PITPNC1: variants seen among roughly 807,000 people sequenced by gnomAD.
The protein encoded by PITPNC1 is cytoplasmic phosphatidylinositol transfer protein 1.
PITPNC1 carries 18 observed loss-of-function variants against 44.7 expected under a neutral mutation model. The ratio of observed to expected loss-of-function variants is 0.40; its 90% CI spans 0.28 to 0.60. The LOEUF is 0.60. Ranked by LOEUF, PITPNC1 falls within the 20% of genes least tolerant of loss-of-function variation. The pLI is 0.39. For missense variants in PITPNC1, 290 were observed against 418.4 expected, an observed-to-expected ratio of 0.69 and a Z score of 2.68; for synonymous variants, 141 against 149.6, an observed-to-expected ratio of 0.94 and a Z score of 0.42.
chr17:67,623,673 C>CT (rs2041861827), intron 5 of PITPNC1, among the ~76,000 whole-genome samples: 3 of 152,206 alleles, frequency 2.0e-5, no homozygotes, highest in Non-Finnish European at 4.4e-5. Flanking sequence ...CATGAGCCAC[C>CT]TTGCCCACCT....
intron 8 of PITPNC1, among the ~76,000 whole-genome samples, chr17:67,681,813 AATG>A (rs2042714467): frequency 6.6e-6 from 1 of 152,076 alleles, no homozygotes; most frequent in Non-Finnish European, 1.5e-5. Flanking sequence ...TTCAATATAA[AATG>A]ATAATCCAAT....
intron 1 of PITPNC1, among the ~76,000 whole-genome samples, chr17:67,480,215 G>A (rs936860385): frequency 6.6e-6 from 1 of 152,108 alleles, no homozygotes; most frequent in East Asian, 1.9e-4. Context: ...GTTGTCTAAC[G>A]ATGAAACATG....
chr17:67,694,301 T>C lies in PITPNC1; in HGVS notation c.*1413T>C, dbSNP rs184391201. 1 of 152,360 alleles carries C rather than the reference T, an allele frequency of 6.6e-6. No homozygotes were observed. Among genetic ancestry groups the C allele is most frequent in the East Asian group, 1.9e-4 (1 of 5,180 alleles). The allele number at this position is 152,360 out of a possible 1,614,324, so 9.4% of individuals were successfully genotyped here. A position where few individuals can be genotyped will look rare whatever the true frequency, so the allele number is the denominator to read the frequency against. ...CCAAGAGAGGAAGAGAAGAAGTAAT[T>C]GGGCAACTTGGAGGCCCACGCCCCA... On this transcript the variant is annotated 3_prime_UTR_variant, in exon 9 of 9. Transcript: ENST00000581322.
chr17:67,420,190 G>T (rs1210801396), intron 1 of PITPNC1, among the ~76,000 whole-genome samples: 1 of 152,102 alleles, frequency 6.6e-6, no homozygotes, highest in African/African-American at 2.4e-5. Flanking sequence ...GACAAGTTTT[G>T]TATTAATTAT....
chr17:67,538,664 A>C (rs1416991811), intron 2 of PITPNC1, among the ~76,000 whole-genome samples: 2 of 152,228 alleles, frequency 1.3e-5, no homozygotes, highest in African/African-American at 4.8e-5. Flanking sequence ...TGAAAAAATC[A>C]GAAGAAAATA....
intron 1 of PITPNC1, among the ~76,000 whole-genome samples, chr17:67,426,459 G>C (rs1227224131): frequency 2.6e-5 from 4 of 152,116 alleles, no homozygotes. Flanking sequence ...TCCTTTGCAG[G>C]AACATGGATG....
At position 67,693,247 on chromosome 17, in the gene PITPNC1, G is replaced by A. The variant is rs1190435129; in HGVS notation, c.*359G>A. The A allele has an allele frequency of 5.5e-6, 1 of 180,388 alleles. No individual in the cohort carries two copies. Among genetic ancestry groups the A allele is most frequent in the African/African-American group, 2.3e-5 (1 of 42,572 alleles). 11.2% of individuals were successfully genotyped at this position (180,388 alleles called of 1,614,324 possible). A position where few individuals can be genotyped will look rare whatever the true frequency, so the allele number is the denominator to read the frequency against. ...TTGTTACAAGGTACGGTAGAAAATA[G>A]TGAAGTCAGTTTCCTCTCATCAAAT... On this transcript the variant is annotated 3_prime_UTR_variant, in exon 9 of 9. Coordinates refer to ENST00000581322, the MANE Select transcript of PITPNC1 (RefSeq NM_012417.4).
chr17:67,458,269 A>G (rs772487214), intron 1 of PITPNC1, among the ~76,000 whole-genome samples: 10 of 152,072 alleles, frequency 6.6e-5, no homozygotes, highest in Non-Finnish European at 1.0e-4. Flanking sequence ...GGAGGACCCA[A>G]ACTAACACCG....
At chr17:67,421,969 C>T (rs1394207346) in intron 1 of PITPNC1, among the ~76,000 whole-genome samples, 1 of 152,092 alleles carries the variant, frequency 6.6e-6, no homozygotes, top group African/African-American at 2.4e-5. Context: ...CACATGAGGC[C>T]AACAGGAAAT....
At position 67,513,473 on chromosome 17, in the gene PITPNC1, CTA is replaced by C. The variant is rs937953480; in HGVS notation, c.49-19325_49-19324del. Reference sequence around the variant, plus strand: ...TATATATACATATACTATATTTTTACTATATGTGTGTGTGTGTATATATATAT... The same window carrying C: ...TATATATACATATACTATATTTTTACTATGTGTGTGTGTGTATATATATAT... On this transcript the variant is annotated intron_variant, in intron 1 of 8. Coordinates refer to ENST00000581322, the MANE Select transcript of PITPNC1 (RefSeq NM_012417.4). Among the ~76,000 whole-genome samples, 134 of 112,490 alleles carry C rather than the reference CTA, an allele frequency of 1.2e-3. 2 individuals carry two copies. The highest frequency in any genetic ancestry group is 4.4e-3 in the Middle Eastern group (1 of 228). 73.8% of individuals were successfully genotyped at this position (112,490 alleles called of 152,430 possible). A position where few individuals can be genotyped will look rare whatever the true frequency, so the allele number is the denominator to read the frequency against.
rs1278245999 is a variant in PITPNC1, at chr17:67,622,434, C to T, written c.367-9709C>T. ...CATGTATATATTTATGAAACAGTCACCACTGAATTGTGTAGCTGGGATAAT... is the reference window on the plus strand; with the variant it reads ...CATGTATATATTTATGAAACAGTCATCACTGAATTGTGTAGCTGGGATAAT... On this transcript the variant is annotated intron_variant, in intron 5 of 8. Transcript: ENST00000581322. 2.0e-5 allele frequency among the ~76,000 whole-genome samples: 3 copies of T among 150,456 alleles called. No individual in the cohort carries two copies. In the South Asian group the frequency reaches 6.3e-4, roughly 31 times the overall value.
At chr17:67,529,431 A>T (rs1384288870) in intron 1 of PITPNC1, among the ~76,000 whole-genome samples, 1 of 152,228 alleles carries the variant, frequency 6.6e-6, no homozygotes, top group African/African-American at 2.4e-5. Flanking sequence ...CTGCTTCTGA[A>T]GCAGGATCGG....
intron 1 of PITPNC1, among the ~76,000 whole-genome samples, chr17:67,484,284 AGTT>A (rs1488015585): frequency 2.0e-5 from 3 of 151,982 alleles, no homozygotes; most frequent in South Asian, 2.1e-4. Flanking sequence ...CAGCTCAGAG[AGTT>A]GTTGTTGGTT....
rs373586575 is a variant in PITPNC1 at position 67,608,666 on chromosome 17, G to GTT, written c.367-23460_367-23459dup. Among the ~76,000 whole-genome samples the GTT allele has an allele frequency of 6.6e-3, 843 of 128,024 alleles. 7 individuals carry two copies. The highest frequency in any genetic ancestry group is 0.021 in the African/African-American group (709 of 34,258). 84.0% of individuals were successfully genotyped at this position (128,024 alleles called of 152,430 possible). A position where few individuals can be genotyped will look rare whatever the true frequency, so the allele number is the denominator to read the frequency against. On this transcript the variant is annotated intron_variant, in intron 5 of 8. Transcript: ENST00000581322. ...CCGTCACACCTGTCTAGTTTTTCTA[G>GTT]TTTTTTTTTTTTTTTTTTGTAGAAA...
At chr17:67,640,834 C>T (rs2042085239) in intron 6 of PITPNC1, among the ~76,000 whole-genome samples, 2 of 150,320 alleles carry the variant, frequency 1.3e-5, no homozygotes, top group African/African-American at 2.4e-5. Flanking sequence ...TACTAAAATA[C>T]AAAAAATTAG....
At chr17:67,603,293 G>A (rs1032892996) in intron 5 of PITPNC1, among the ~76,000 whole-genome samples, 3 of 119,902 alleles carry the variant, frequency 2.5e-5, no homozygotes, top group Admixed American at 9.3e-5. Context: ...AGCAGGCCCC[G>A]GCTAGGAAGT....
At position 67,575,857 on chromosome 17, in the gene PITPNC1, TCC is replaced by T. The variant is rs1568047826; in HGVS notation, c.295-2328_295-2327del. Among the ~76,000 whole-genome samples the T allele has an allele frequency of 4.2e-3, 115 of 27,324 alleles. 1 individual carries two copies. Among genetic ancestry groups the T allele is most frequent in the Middle Eastern group, 0.029 (1 of 34 alleles). 17.9% of individuals were successfully genotyped at this position (27,324 alleles called of 152,430 possible). A position where few individuals can be genotyped will look rare whatever the true frequency, so the allele number is the denominator to read the frequency against. On this transcript the variant is annotated intron_variant, in intron 4 of 8. Coordinates refer to ENST00000581322, the MANE Select transcript of PITPNC1 (RefSeq NM_012417.4). ...TTCCTTCCTTCTTTCTTTCTTTCTT[TCC>T]TTCCTTCTTTCTTTCTTTCCTTTTT...
chr17:67,658,768 G>A (rs551166085), intron 6 of PITPNC1, among the ~76,000 whole-genome samples: 30 of 152,026 alleles, frequency 2.0e-4, no homozygotes, highest in East Asian at 5.8e-4. Flanking sequence ...TCTACTTGCC[G>A]TCTTTGTCCT....
chr17:67,469,993 G>A (rs2039493510), intron 1 of PITPNC1, among the ~76,000 whole-genome samples: 1 of 152,024 alleles, frequency 6.6e-6, no homozygotes, highest in African/African-American at 2.4e-5. Context: ...TGCAATCTCA[G>A]CTCACTGTAA....
Sources: allele counts gnomAD v4.1 joint callset (sites outside exome capture counted in the v4.1 genomes callset), GRCh38; gene constraint gnomAD v4.1.1; transcripts MANE v1.5; gene names NCBI Gene and HGNC (gene_info 2026-07-23, HGNC 2026-07-21).